The following AFAP1 variants were observed in gnomAD, a reference collection of about 807,000 sequenced individuals.
AFAP1 encodes the protein actin filament-associated protein 1.
A neutral mutation model predicts 93.9 loss-of-function variants in AFAP1; 75 were observed. The ratio of observed to expected loss-of-function variants is 0.80; its 90% CI spans 0.66 to 0.97. The LOEUF is 0.97. Among genes scored for constraint, AFAP1 ranks in the 50% least tolerant of loss-of-function variants. The pLI is 0.00. For missense variants in AFAP1, 1,201 were observed against 1,050.8 expected (o/e 1.14, Z -1.98); for synonymous variants, 517 against 430.7 (o/e 1.20, Z -2.48).
intron 1 of AFAP1, among the ~76,000 whole-genome samples, chr4:7,933,247 C>T (rs1721193550): frequency 6.6e-6 from 1 of 151,898 alleles, no homozygotes; most frequent in Admixed American, 6.6e-5. Context: ...CTGGGCTAAC[C>T]AGGGAGGTCC....
intron 1 of AFAP1, among the ~76,000 whole-genome samples, chr4:7,927,446 G>A (rs1280990691): frequency 6.6e-6 from 1 of 152,198 alleles, no homozygotes; most frequent in African/African-American, 2.4e-5. Context: ...GTGAATTAGT[G>A]CATATAAGGC....
chr4:7,892,202 G>C lies in AFAP1; in HGVS notation c.-2-20122C>G, dbSNP rs796973641. Among the ~76,000 whole-genome samples the C allele has an allele frequency of 4.9e-4, 74 of 152,308 alleles. 1 individual carries two copies. Among genetic ancestry groups the C allele is most frequent in the African/African-American group, 1.7e-3 (72 of 41,570 alleles). ...CAGGGATGGGCAAATTTCAGTAGGG[G>C]ACAAAAGAGGCTCCGGCACCATTTC... On this transcript the variant is annotated intron_variant, in intron 1 of 17. Coordinates refer to ENST00000420658, the MANE Select transcript of AFAP1 (RefSeq NM_001134647.2).
chr4:7,851,565 A>T (rs927349568), intron 4 of AFAP1, among the ~76,000 whole-genome samples: 7 of 152,224 alleles, frequency 4.6e-5, no homozygotes, highest in African/African-American at 1.4e-4. Context: ...ATACTCGGGT[A>T]AATACCACGA....
At chr4:7,833,807 C>G (rs1213104172) in intron 6 of AFAP1, among the ~76,000 whole-genome samples, 1 of 152,010 alleles carries the variant, frequency 6.6e-6, no homozygotes, top group Non-Finnish European at 1.5e-5. Flanking sequence ...CCAGGATAGT[C>G]CCGATCTCCT....
intron 1 of AFAP1, among the ~76,000 whole-genome samples, chr4:7,895,563 CAT>C (rs1190423851): frequency 1.3e-5 from 2 of 152,176 alleles, no homozygotes; most frequent in African/African-American, 4.8e-5. Context: ...GCCTCCCTTA[CAT>C]GTTTCATGCA....
Position 7,774,816 on chromosome 4 carries a change from T to C in AFAP1, c.1985A>G (p.Lys662Arg), listed in dbSNP as rs749925269. The part of the protein sequence containing the change: ...QTKEEELLKR[K>R]EALRNRLAQL... ...GGCCAGCCTATTCCGCAGGGCCTCT[T>C]TCCTCTTCAGCAGCTCCTCCTCTTT... is the stretch of plus-strand genomic sequence containing the variant. Residue 662 changes from lysine to arginine, a missense_variant, in exon 15 of 18, where the codon AAA becomes AGA. By Grantham distance (26) the Lys-to-Arg change is conservative (BLOSUM62 2). Transcript: ENST00000420658. 6.2e-7 allele frequency: 1 copy of C among 1,614,082 alleles called. No individual in the cohort carries two copies. Among genetic ancestry groups the C allele is most frequent in the African/African-American group, 1.3e-5 (1 of 74,912 alleles).
At chr4:7,808,559 C>G (rs1176753907) in intron 9 of AFAP1, among the ~76,000 whole-genome samples, 1 of 152,114 alleles carries the variant, frequency 6.6e-6, no homozygotes, top group African/African-American at 2.4e-5. Flanking sequence ...GAAAGACTGA[C>G]CGGGGAGATG....
chr4:7,794,644 C>T (rs1718213483), intron 10 of AFAP1, among the ~76,000 whole-genome samples: 1 of 152,068 alleles, frequency 6.6e-6, no homozygotes, highest in African/African-American at 2.4e-5. Flanking sequence ...GCCTCAGCCT[C>T]CCAAGCAGCT....
intron 11 of AFAP1, among the ~76,000 whole-genome samples, chr4:7,792,156 G>C (rs186895494): frequency 5.9e-5 from 9 of 152,306 alleles, no homozygotes; most frequent in Non-Finnish European, 1.0e-4. Flanking sequence ...GAGCTGTAGT[G>C]ACACTTCTTC....
intron 1 of AFAP1, among the ~76,000 whole-genome samples, chr4:7,924,363 A>G (rs535556693): frequency 6.6e-6 from 1 of 152,376 alleles, no homozygotes; most frequent in South Asian, 2.1e-4. Flanking sequence ...GAGATGCACA[A>G]AAGACAAGAT....
intron 17 of AFAP1, among the ~76,000 whole-genome samples, chr4:7,765,944 G>C (rs1714504901): frequency 6.6e-6 from 1 of 152,214 alleles, no homozygotes; most frequent in Non-Finnish European, 1.5e-5. Flanking sequence ...CGCCCGCCCA[G>C]TGACCCTGCG....
chr4:7,806,033 G>A (rs1316062624), intron 9 of AFAP1, among the ~76,000 whole-genome samples: 1 of 152,162 alleles, frequency 6.6e-6, no homozygotes, highest in African/African-American at 2.4e-5. Context: ...CGCATTTCCT[G>A]GTAACAACGG....
intron 6 of AFAP1, among the ~76,000 whole-genome samples, chr4:7,831,862 T>C (rs1043486134): frequency 4.6e-5 from 7 of 152,178 alleles, no homozygotes; most frequent in African/African-American, 1.7e-4. Context: ...CTGAATTCCA[T>C]AATTGTCGTT....
chr4:7,830,115 A>T (rs1577263352), intron 6 of AFAP1, among the ~76,000 whole-genome samples: 2 of 146,712 alleles, frequency 1.4e-5, no homozygotes, highest in Admixed American at 6.8e-5. Context: ...GAAAAAAAAA[A>T]ACAAGGTCCA....
intron 1 of AFAP1, among the ~76,000 whole-genome samples, chr4:7,889,212 A>AT (rs773848547): frequency 8.5e-5 from 13 of 152,208 alleles, no homozygotes; most frequent in Non-Finnish European, 1.9e-4. Flanking sequence ...ATTAAGTATA[A>AT]TTCACCATAT....
intron 6 of AFAP1, among the ~76,000 whole-genome samples, chr4:7,834,521 A>AT (rs910946318): frequency 2.0e-5 from 3 of 152,252 alleles, no homozygotes; most frequent in African/African-American, 4.8e-5. Context: ...TTTAAAAAAA[A>AT]TTTTTTTCAA....
At chr4:7,790,597 C>A (rs1717774609) in intron 11 of AFAP1, among the ~76,000 whole-genome samples, 1 of 152,062 alleles carries the variant, frequency 6.6e-6, no homozygotes. Flanking sequence ...CAACCATAAC[C>A]ACTTTTATGT....
intron 9 of AFAP1, 174 bp downstream of exon 9, chr4:7,809,440 A>G (rs1719818594): frequency 5.6e-6 from 4 of 709,848 alleles, no homozygotes; most frequent in Non-Finnish European, 8.3e-6. Context: ...TTGTATGAAT[A>G]AGAGGCAAAA....
chr4:7,812,276 A>C (rs1435916663), intron 8 of AFAP1, among the ~76,000 whole-genome samples: 2 of 152,042 alleles, frequency 1.3e-5, no homozygotes, highest in Admixed American at 6.5e-5. Context: ...AGCAAGAGGT[A>C]TCCCCCACAG....
Sources: allele counts gnomAD v4.1 joint callset (sites outside exome capture counted in the v4.1 genomes callset), GRCh38; gene constraint gnomAD v4.1.1; transcripts MANE v1.5; gene names NCBI Gene and HGNC (gene_info 2026-07-23, HGNC 2026-07-21).